UQCRC2: variants seen among roughly 807,000 people sequenced by gnomAD.
UQCRC2 encodes the protein ubiquinol-cytochrome c reductase core protein 2.
In UQCRC2, 49 loss-of-function variants were observed where a neutral mutation model predicts 55.6. The observed-to-expected ratio is 0.88, with a 90% CI of 0.70 to 1.12. UQCRC2 has a LOEUF of 1.12. UQCRC2 is among the 50% of genes most tolerant of loss of function. The probability of loss-of-function intolerance (pLI) is 0.00; values close to 1 mark genes in which losing one functional copy is unlikely to be tolerated. For missense variants in UQCRC2, 506 were observed against 547.8 expected, an observed-to-expected ratio of 0.92 and a Z score of 0.76; for synonymous variants, 193 against 192.0, an observed-to-expected ratio of 1.01 and a Z score of -0.04.
intron 6 of UQCRC2, among the ~76,000 whole-genome samples, chr16:21,963,717 C>T (rs1898257783): frequency 6.6e-6 from 1 of 152,136 alleles, no homozygotes; most frequent in Admixed American, 6.5e-5. Context: ...GATCCTCCCA[C>T]CTCAGCTTCC....
chr16:21,965,316 A>T (rs148190156), intron 6 of UQCRC2, 92 bp from the exon 7 acceptor site: 1 of 1,261,440 alleles, frequency 7.9e-7, no homozygotes, highest in Admixed American at 1.9e-5. Context: ...GAAGATGACC[A>T]AATTTGTATA....
chr16:21,969,402 C>T (rs1177957202), intron 8 of UQCRC2, among the ~76,000 whole-genome samples: 1 of 152,132 alleles, frequency 6.6e-6, no homozygotes, highest in Non-Finnish European at 1.5e-5. Flanking sequence ...GGCATGGTGA[C>T]ACATGCCTGT....
At chr16:21,971,725 C>A in intron 9 of UQCRC2, 105 bp downstream of exon 9, 2 of 1,360,602 alleles carry the variant, frequency 1.5e-6, no homozygotes, top group Non-Finnish European at 2.1e-6. Flanking sequence ...TGAACAGTCT[C>A]GGCATAGAAT....
rs1597966675 is a variant in UQCRC2 at position 21,976,162 on chromosome 16, C to T, written c.1048-5C>T. ...CAGATGACCAACTTTTCTTATCTGTCCTAGGTTATCAAGGCTGCCTATAAT... is the reference window on the plus strand; with the variant it reads ...CAGATGACCAACTTTTCTTATCTGTTCTAGGTTATCAAGGCTGCCTATAAT... On this transcript the variant is annotated splice_region_variant and splice_polypyrimidine_tract_variant and intron_variant, in intron 11 of 13. Coordinates refer to ENST00000268379, the MANE Select transcript of UQCRC2 (RefSeq NM_003366.4). 1 of 1,613,234 alleles carries T rather than the reference C, an allele frequency of 6.2e-7. No homozygotes were observed. The highest frequency in any genetic ancestry group is 8.5e-7 in the Non-Finnish European group (1 of 1,179,288).
intron 5 of UQCRC2, 119 bp downstream of exon 5, chr16:21,962,635 A>G: frequency 6.3e-7 from 1 of 1,589,906 alleles, no homozygotes; most frequent in East Asian, 2.2e-5. Flanking sequence ...TTGTTCATAA[A>G]CTGCTCAAAA....
chr16:21,982,041 C>T (rs1476336789), intron 13 of UQCRC2, among the ~76,000 whole-genome samples: 3 of 151,760 alleles, frequency 2.0e-5, no homozygotes, highest in Non-Finnish European at 4.4e-5. Context: ...GGGGTTTTAC[C>T]ATGTTAGCCA....
At chr16:21,977,019 G>A (rs957224184) in intron 12 of UQCRC2, 4 of 151,968 alleles carry the variant, frequency 2.6e-5, no homozygotes, top group South Asian at 4.2e-4. Flanking sequence ...TAAACATAAC[G>A]AAAGACTCCA....
At chr16:21,956,347 C>T (rs1390795748) in intron 1 of UQCRC2, among the ~76,000 whole-genome samples, 1 of 152,016 alleles carries the variant, frequency 6.6e-6, no homozygotes, top group Non-Finnish European at 1.5e-5. Flanking sequence ...AGTTTGAGAC[C>T]AGCCTGAGCT....
At chr16:21,983,007 G>GAAATGAC in intron 13 of UQCRC2, 81 bp from the exon 14 acceptor site, 1 of 971,820 alleles carries the variant, frequency 1.0e-6, no homozygotes. Context: ...ATAAATTCTT[G>GAAATGAC]AAATGACAAA....
chr16:21,966,224 T>C (rs1898323825), intron 7 of UQCRC2, among the ~76,000 whole-genome samples: 1 of 152,018 alleles, frequency 6.6e-6, no homozygotes, highest in South Asian at 2.1e-4. Flanking sequence ...AACTCTTTGG[T>C]CTCTCTGAAT....
At position 21,983,076 on chromosome 16, in the gene UQCRC2, G is replaced by A; in HGVS notation, c.1279-12G>A. 1 of 1,607,028 alleles carries A rather than the reference G, an allele frequency of 6.2e-7. No individual in the cohort carries two copies. Among genetic ancestry groups the A allele is most frequent in the Non-Finnish European group, 8.5e-7 (1 of 1,177,794 alleles). ...TTTTTGTTAATTTTGTCTTTTGTTT[G>A]TTTCTTTAAAGGCGGCAAAGAAGTT... On this transcript the variant is annotated splice_polypyrimidine_tract_variant and intron_variant, in intron 13 of 13. Coordinates refer to ENST00000268379, the MANE Select transcript of UQCRC2 (RefSeq NM_003366.4).
Position 21,976,253 on chromosome 16 carries a change from A to C in UQCRC2, c.1124+10A>C. 1 of 1,602,574 alleles carries C rather than the reference A, an allele frequency of 6.2e-7. No individual in the cohort carries two copies. Among genetic ancestry groups the C allele is most frequent in the Non-Finnish European group, 8.5e-7 (1 of 1,169,606 alleles). ...ATGTCCAAGCTGCCAAGTAAGTCTCAGTATTAACTGTGTTTTATGTTTTTG... is the reference window on the plus strand; with the variant it reads ...ATGTCCAAGCTGCCAAGTAAGTCTCCGTATTAACTGTGTTTTATGTTTTTG... On this transcript the variant is annotated intron_variant, in intron 12 of 13. Coordinates refer to ENST00000268379, the MANE Select transcript of UQCRC2 (RefSeq NM_003366.4).
At chr16:21,969,390 C>T (rs35235259) in intron 8 of UQCRC2, among the ~76,000 whole-genome samples, 10,767 of 152,072 alleles carry the variant, frequency 0.071, 550 homozygotes, top group South Asian at 0.13. Context: ...AAAAATTAGT[C>T]GGGCATGGTG....
rs376185764 is a variant in UQCRC2 at position 21,957,325 on chromosome 16, C to T, written c.117+7C>T. Reference sequence around the variant, plus strand: ...ACAACCTCAGGACCTTGAGGTTAGTCCCACTAACTTGCTCGCTGGAAGCTA... The same window carrying T: ...ACAACCTCAGGACCTTGAGGTTAGTTCCACTAACTTGCTCGCTGGAAGCTA... On this transcript the variant is annotated splice_region_variant and intron_variant, in intron 2 of 13. Coordinates refer to ENST00000268379, the MANE Select transcript of UQCRC2 (RefSeq NM_003366.4). 12 of 1,613,862 alleles carry T rather than the reference C, an allele frequency of 7.4e-6. No homozygotes were observed. The highest frequency in any genetic ancestry group is 1.0e-5 in the Non-Finnish European group (12 of 1,180,004).
chr16:21,977,804 C>CTTTTGGTTG (rs1300293739), intron 12 of UQCRC2, among the ~76,000 whole-genome samples: 3 of 152,162 alleles, frequency 2.0e-5, no homozygotes, highest in African/African-American at 7.2e-5. Context: ...ATGGAACAAC[C>CTTTTGGTTG]TTTTGGTCAT....
rs1567468218 is a variant in UQCRC2, at chr16:21,957,522, A to G, written c.223A>G (p.Ser75Gly). The G allele has an allele frequency of 1.2e-6, 2 of 1,614,222 alleles. No individual in the cohort carries two copies. The highest frequency in any genetic ancestry group is 8.5e-7 in the Non-Finnish European group (1 of 1,180,032). Residue 75 changes from serine (S) to glycine (G), a missense_variant, in exon 3 of 14, where the codon AGC becomes GGC. Physicochemically the swap from Ser to Gly is moderately conservative, Grantham distance 56. Transcript: ENST00000268379. Reference sequence around the variant, plus strand: ...AGCAGGCAGTAGATATGAGGACTTCAGCAATTTAGGAACCACCCATTTGCT... The same window carrying G: ...AGCAGGCAGTAGATATGAGGACTTCGGCAATTTAGGAACCACCCATTTGCT... ...IKAGSRYEDF[S>G]NLGTTHLLRL...
At chr16:21,976,065 C>A (rs1898577340) in intron 11 of UQCRC2, 102 bp from the exon 12 acceptor site, 2 of 735,220 alleles carry the variant, frequency 2.7e-6, no homozygotes, top group East Asian at 5.3e-5. Flanking sequence ...TTGTCTGGAA[C>A]TAACCTTCCA....
intron 4 of UQCRC2, among the ~76,000 whole-genome samples, chr16:21,961,097 G>T (rs1898188604): frequency 6.6e-6 from 1 of 152,150 alleles, no homozygotes; most frequent in African/African-American, 2.4e-5. Flanking sequence ...CAGCATGCTG[G>T]GATTGCAGAT....
chr16:21,969,522 ACT>A (rs1373130989), intron 8 of UQCRC2, among the ~76,000 whole-genome samples: 9 of 152,166 alleles, frequency 5.9e-5, no homozygotes, highest in South Asian at 2.1e-4. Context: ...ACAGAGTGAG[ACT>A]CTGTCTCAAA....
Sources: allele counts gnomAD v4.1 joint callset (sites outside exome capture counted in the v4.1 genomes callset), GRCh38; gene constraint gnomAD v4.1.1; transcripts MANE v1.5; gene names NCBI Gene and HGNC (gene_info 2026-07-23, HGNC 2026-07-21).